The following FOXP1 variants were observed in gnomAD, a reference collection of about 807,000 sequenced individuals.
FOXP1 encodes forkhead box P1, also known as forkhead box protein P1.
A neutral mutation model predicts 98.2 loss-of-function variants in FOXP1; 15 were observed. The observed-to-expected ratio is 0.15, with a 90% confidence interval of 0.10 to 0.24. The LOEUF (loss-of-function observed/expected upper bound fraction) is 0.24. Ranked by LOEUF, FOXP1 falls within the 10% of genes least tolerant of loss-of-function variation. The pLI is 1.00. For synonymous variants in FOXP1, 371 were observed against 314.5 expected (o/e 1.18, Z -1.90); for missense variants, 633 against 848.5 (o/e 0.75, Z 3.15).
intron 2 of FOXP1, among the ~76,000 whole-genome samples, chr3:71,556,562 G>A (rs1487371315): frequency 1.5e-5 from 2 of 129,898 alleles, no homozygotes; most frequent in Non-Finnish European, 3.1e-5. Flanking sequence ...GGGCGACAGA[G>A]CGAGACTCCG....
At chr3:71,507,738 C>G (rs902880547) in intron 2 of FOXP1, among the ~76,000 whole-genome samples, 4 of 152,092 alleles carry the variant, frequency 2.6e-5, no homozygotes, top group Admixed American at 1.3e-4. Context: ...CCACCATGCC[C>G]GGCTAATTTT....
At chr3:71,020,188 G>A (rs1022840217) in intron 11 of FOXP1, among the ~76,000 whole-genome samples, 2 of 152,060 alleles carry the variant, frequency 1.3e-5, no homozygotes, top group Non-Finnish European at 2.9e-5. Flanking sequence ...CAAAAATAGT[G>A]ATAGCATTTC....
At chr3:71,344,048 C>T (rs892163141) in intron 4 of FOXP1, among the ~76,000 whole-genome samples, 2 of 152,198 alleles carry the variant, frequency 1.3e-5, no homozygotes, top group Admixed American at 6.5e-5. Flanking sequence ...CAAGGCCTTC[C>T]CATCTGGGCA....
intron 4 of FOXP1, among the ~76,000 whole-genome samples, chr3:71,323,916 G>A (rs2107681136): frequency 1.3e-5 from 2 of 152,218 alleles, no homozygotes; most frequent in South Asian, 4.2e-4. Flanking sequence ...AAATTGCATG[G>A]CCTGGAACAA....
chr3:71,061,154 AG>A (rs1459721988), intron 7 of FOXP1, among the ~76,000 whole-genome samples: 4 of 152,120 alleles, frequency 2.6e-5, no homozygotes, highest in Non-Finnish European at 5.9e-5. Context: ...TGGGGGTGGG[AG>A]GGAAGTATTG....
chr3:71,040,873 A>G (rs996704790), intron 11 of FOXP1, among the ~76,000 whole-genome samples: 2 of 152,192 alleles, frequency 1.3e-5, no homozygotes, highest in Admixed American at 6.6e-5. Flanking sequence ...CACAATGATG[A>G]AAAACATGGG....
chr3:71,224,411 T>C (rs1239507383), intron 5 of FOXP1, among the ~76,000 whole-genome samples: 1 of 151,902 alleles, frequency 6.6e-6, no homozygotes, highest in Non-Finnish European at 1.5e-5. Flanking sequence ...GAGGGAGAGA[T>C]GGTATAGAGG....
chr3:71,105,169 C>G (rs2057321328), intron 7 of FOXP1, among the ~76,000 whole-genome samples: 1 of 152,238 alleles, frequency 6.6e-6, no homozygotes, highest in Non-Finnish European at 1.5e-5. Flanking sequence ...ATGCCCCTAA[C>G]TCCTTAATCC....
rs959649558 is a variant in FOXP1, at chr3:70,990,882, C to A, written c.1063-2805G>T. ...ACACTGTGCTGTGTTCAAATCCTGG[C>A]TCAGTGACTCAGCACATTATGTAAC... On this transcript the variant is annotated intron_variant, in intron 13 of 20. Coordinates refer to ENST00000649528, the MANE Select transcript of FOXP1 (RefSeq NM_001349338.3). Among the ~76,000 whole-genome samples, 6 of 152,132 alleles carry A rather than the reference C, an allele frequency of 3.9e-5. 1 individual carries two copies. Among genetic ancestry groups the A allele is most frequent in the African/African-American group, 1.4e-4 (6 of 41,416 alleles).
rs544892548 is a variant in FOXP1 at position 71,331,032 on chromosome 3, C to T, written c.-73+28118G>A. Among the ~76,000 whole-genome samples the T allele has an allele frequency of 3.0e-4, 46 of 152,366 alleles. 1 individual carries two copies. The highest frequency in any genetic ancestry group is 9.9e-4 in the African/African-American group (41 of 41,586). ...CCTCGGCCTTGGTGCCCACTCTGGC[C>T]GCGCTTGAGGGGCCCTTCAGCCCGC... On this transcript the variant is annotated intron_variant, in intron 4 of 20. Coordinates refer to ENST00000649528, the MANE Select transcript of FOXP1 (RefSeq NM_001349338.3).
intron 6 of FOXP1, among the ~76,000 whole-genome samples, chr3:71,152,561 G>C (rs949089494): frequency 3.3e-5 from 5 of 152,178 alleles, no homozygotes; most frequent in African/African-American, 1.2e-4. Flanking sequence ...GAGGCCCCCA[G>C]CGTGTGGGGG....
At position 71,399,602 on chromosome 3, in the gene FOXP1, G is replaced by C. The variant is rs1269312672; in HGVS notation, c.-167-40358C>G. On this transcript the variant is annotated intron_variant, in intron 3 of 20. Coordinates refer to ENST00000649528, the MANE Select transcript of FOXP1 (RefSeq NM_001349338.3). ...AGACGGAAGCACTACTGACAACCAG[G>C]GCAGGGAAAGGGGGTTTGCAACCTT... Among the ~76,000 whole-genome samples the C allele has an allele frequency of 2.6e-5, 4 of 152,146 alleles. No individual in the cohort carries two copies. In the South Asian group the frequency reaches 8.3e-4, roughly 32 times the overall value.
chr3:71,103,296 A>G (rs1204095219), intron 7 of FOXP1, among the ~76,000 whole-genome samples: 1 of 152,152 alleles, frequency 6.6e-6, no homozygotes, highest in East Asian at 1.9e-4. Context: ...GCTTCATCCT[A>G]TTTTCTCTAA....
rs530723005 is a variant in FOXP1 at position 71,526,575 on chromosome 3, C to G, written c.-297-33020G>C. On this transcript the variant is annotated intron_variant, in intron 2 of 20. Transcript: ENST00000649528. ...TCATTTTAGGGTCTTACATTTTAATCAGTGTTTATTAAAAATCTTCTTTGA... is the reference window on the plus strand; with the variant it reads ...TCATTTTAGGGTCTTACATTTTAATGAGTGTTTATTAAAAATCTTCTTTGA... 1.8e-4 allele frequency among the ~76,000 whole-genome samples: 28 copies of G among 152,304 alleles called. No homozygotes were observed. The East Asian group carries it at 2.1e-3, about 12-fold the overall frequency.
rs114979654 is a variant in FOXP1, at chr3:71,153,605, G to A, written c.181-40968C>T. Among the ~76,000 whole-genome samples the A allele has an allele frequency of 3.1e-3, 474 of 150,770 alleles. 1 individual carries two copies. Among genetic ancestry groups the A allele is most frequent in the African/African-American group, 0.011 (441 of 41,108 alleles). The stretch of plus-strand genomic sequence containing the variant: ...CCTTCTAATCCTCTTGGTTAAACAT[G>A]AAATGACAACTGAAGATACACATCA... On this transcript the variant is annotated intron_variant, in intron 6 of 20. Transcript: ENST00000649528.
intron 5 of FOXP1, among the ~76,000 whole-genome samples, chr3:71,247,834 G>C (rs1482984417): frequency 6.6e-6 from 1 of 152,196 alleles, no homozygotes; most frequent in South Asian, 2.1e-4. Context: ...TGCTCTGCCA[G>C]CAACACTGAT....
intron 3 of FOXP1, among the ~76,000 whole-genome samples, chr3:71,404,669 T>C (rs2082192987): frequency 6.6e-6 from 1 of 152,078 alleles, no homozygotes; most frequent in African/African-American, 2.4e-5. Flanking sequence ...CCATACAGCA[T>C]TTCACAGAAA....
At chr3:71,428,576 G>T (rs1220485734) in intron 3 of FOXP1, among the ~76,000 whole-genome samples, 1 of 152,204 alleles carries the variant, frequency 6.6e-6, no homozygotes, top group Non-Finnish European at 1.5e-5. Flanking sequence ...CTGCCTTCTG[G>T]TTTTTAATGT....
intron 2 of FOXP1, among the ~76,000 whole-genome samples, chr3:71,529,629 T>C (rs932651711): frequency 2.0e-5 from 3 of 152,158 alleles, no homozygotes; most frequent in African/African-American, 4.8e-5. Flanking sequence ...TGATCACCAA[T>C]AGCCAATGAT....
Sources: allele counts gnomAD v4.1 joint callset (sites outside exome capture counted in the v4.1 genomes callset), GRCh38; gene constraint gnomAD v4.1.1; transcripts MANE v1.5; gene names NCBI Gene and HGNC (gene_info 2026-07-23, HGNC 2026-07-21).